The following PIK3R5 variants were observed in gnomAD, a reference collection of about 807,000 sequenced individuals.
PIK3R5 encodes phosphoinositide-3-kinase regulatory subunit 5, also known as phosphoinositide 3-kinase regulatory subunit 5.
A neutral mutation model predicts 94.9 loss-of-function variants in PIK3R5; 32 were observed. That is an observed-to-expected ratio of 0.34 (90% CI 0.25 to 0.45). The LOEUF (loss-of-function observed/expected upper bound fraction) is 0.45. Among genes scored for constraint, PIK3R5 ranks in the 20% least tolerant of loss-of-function variants. The pLI is 1.00. For missense variants in PIK3R5, 853 were observed against 1,144.6 expected (o/e 0.75, Z 3.68); for synonymous variants, 443 against 479.4 (o/e 0.92, Z 0.99).
intron 1 of PIK3R5, among the ~76,000 whole-genome samples, chr17:8,946,815 G>A (rs1305203467): frequency 6.6e-6 from 1 of 151,956 alleles, no homozygotes; most frequent in Non-Finnish European, 1.5e-5. Context: ...TGTCTGCCTG[G>A]CTCACTCCTT....
chr17:8,898,287 C>A (rs2090196841), intron 5 of PIK3R5, among the ~76,000 whole-genome samples: 1 of 152,222 alleles, frequency 6.6e-6, no homozygotes, highest in Non-Finnish European at 1.5e-5. Context: ...TGACCTAACC[C>A]AGGTTTGTTC....
chr17:8,965,287 G>C (rs1333731190), intron 1 of PIK3R5, among the ~76,000 whole-genome samples: 1 of 152,244 alleles, frequency 6.6e-6, no homozygotes. Flanking sequence ...AGGGCGTCCT[G>C]TGTCAGAGGC....
rs958921699 is a variant in PIK3R5, at chr17:8,890,468, AG to A, written c.657+269del. 1.2e-3 allele frequency among the ~76,000 whole-genome samples: 185 copies of A among 152,278 alleles called. No homozygotes were observed. Among genetic ancestry groups the A allele is most frequent in the African/African-American group, 4.2e-3 (174 of 41,552 alleles). On this transcript the variant is annotated intron_variant, in intron 7 of 18. Coordinates refer to ENST00000447110, the MANE Select transcript of PIK3R5 (RefSeq NM_001142633.3). The surrounding 1 kb of genome is among the most constrained non-coding windows in gnomAD (Gnocchi z 6.1). Reference sequence around the variant, plus strand: ...CCTAGATGCCAGGTCTTCAGCCCAAAGCTCATTCTCGTTCTTATGGCATATG... The same window carrying A: ...CCTAGATGCCAGGTCTTCAGCCCAAACTCATTCTCGTTCTTATGGCATATG...
Position 8,888,499 on chromosome 17 carries a change from T to G in PIK3R5, c.1288A>C (p.Ser430Arg), listed in dbSNP as rs755763622. 6.2e-7 allele frequency: 1 copy of G among 1,609,104 alleles called. No individual in the cohort carries two copies. The highest frequency in any genetic ancestry group is 1.3e-5 in the African/African-American group (1 of 75,004). The change falls in exon 10 of 19, where the codon AGC (serine) becomes CGC (arginine). Residue 430 changes from serine to arginine, a missense_variant. By Grantham distance (110) the Ser-to-Arg change is moderately radical. Transcript: ENST00000447110. This position sits in a 1 kb window ranked among gnomAD's most constrained non-coding sequence, Gnocchi z 7.8. ...CTCCGCAGTACCAGCTGGCTGGTGC[T>G]CTTGAAGAGTTTATAGATCCTGATG... The part of the protein sequence containing the change: ...KFIRIYKLFK[S>R]TSQLVLRRDS...
Position 8,925,077 on chromosome 17 carries a change from G to C in PIK3R5, c.-13-13570C>G, listed in dbSNP as rs1466629993. The stretch of plus-strand genomic sequence containing the variant: ...TAGATAGTAGATGGATAGATGGATA[G>C]ATAGATAGTGGATAGATAGAAAGTA... On this transcript the variant is annotated intron_variant, in intron 1 of 18. Transcript: ENST00000447110. This position sits in a 1 kb window ranked among gnomAD's most constrained non-coding sequence, Gnocchi z 5.1. Among the ~76,000 whole-genome samples, 1 of 152,030 alleles carries C rather than the reference G, an allele frequency of 6.6e-6. No homozygotes were observed. The highest frequency in any genetic ancestry group is 1.5e-5 in the Non-Finnish European group (1 of 67,998).
At chr17:8,891,589 AC>A (rs1225528048) in intron 6 of PIK3R5, among the ~76,000 whole-genome samples, 1 of 146,548 alleles carries the variant, frequency 6.8e-6, no homozygotes, top group African/African-American at 2.5e-5. Context: ...TTATTATGGA[AC>A]CTTTCTCTTT....
chr17:8,915,469 A>G (rs1360199686), intron 1 of PIK3R5, among the ~76,000 whole-genome samples: 1 of 151,266 alleles, frequency 6.6e-6, no homozygotes, highest in Non-Finnish European at 1.5e-5. Context: ...TGTGAGCCCC[A>G]CCACATCTAT....
rs961364117 is a variant in PIK3R5 at position 8,909,640 on chromosome 17, C to T, written c.104-466G>A. 3.9e-5 allele frequency among the ~76,000 whole-genome samples: 6 copies of T among 152,226 alleles called. No individual in the cohort carries two copies. The highest frequency in any genetic ancestry group is 1.4e-4 in the African/African-American group (6 of 41,458). On this transcript the variant is annotated intron_variant, in intron 2 of 18. Transcript: ENST00000447110. This position sits in a 1 kb window ranked among gnomAD's most constrained non-coding sequence, Gnocchi z 4.3. The stretch of plus-strand genomic sequence containing the variant: ...TCTAGGAGAAGATGCTGGATCAACA[C>T]TCAACCCTACCATGCCCCATCAAGA...
chr17:8,949,410 G>T (rs1368158712), intron 1 of PIK3R5, among the ~76,000 whole-genome samples: 1 of 152,186 alleles, frequency 6.6e-6, no homozygotes, highest in African/African-American at 2.4e-5. Context: ...GTTTAGGATT[G>T]CAGAAGAGAA....
Position 8,945,891 on chromosome 17 carries a change from G to A in PIK3R5, c.-14+19705C>T, listed in dbSNP as rs1037749242. Among the ~76,000 whole-genome samples, 2 of 152,200 alleles carry A rather than the reference G, an allele frequency of 1.3e-5. No homozygotes were observed. Among genetic ancestry groups the A allele is most frequent in the African/African-American group, 4.8e-5 (2 of 41,426 alleles). On this transcript the variant is annotated intron_variant, in intron 1 of 18. Coordinates refer to ENST00000447110, the MANE Select transcript of PIK3R5 (RefSeq NM_001142633.3). The surrounding 1 kb of genome is among the most constrained non-coding windows in gnomAD (Gnocchi z 4.0). The stretch of plus-strand genomic sequence containing the variant: ...GTTTGCCAGAAGGTTTGAACTTGGA[G>A]CTCTGAGCCATCAAGTGAGAAATTA...
chr17:8,952,840 G>T (rs1387845026), intron 1 of PIK3R5, among the ~76,000 whole-genome samples: 1 of 152,160 alleles, frequency 6.6e-6, no homozygotes, highest in Non-Finnish European at 1.5e-5. Flanking sequence ...GGAAAGGTAG[G>T]GGGAGGAGGG....
At position 8,893,701 on chromosome 17, in the gene PIK3R5, A is replaced by G. The variant is rs757315536; in HGVS notation, c.413-46T>C. 146 of 1,456,498 alleles carry G rather than the reference A, an allele frequency of 1.0e-4. No individual in the cohort carries two copies. Among genetic ancestry groups the G allele is most frequent in the Non-Finnish European group, 1.4e-4 (142 of 1,037,268 alleles). 90.2% of individuals were successfully genotyped at this position (1,456,498 alleles called of 1,614,324 possible). On this transcript the variant is annotated intron_variant, in intron 5 of 18. Coordinates refer to ENST00000447110, the MANE Select transcript of PIK3R5 (RefSeq NM_001142633.3). The surrounding 1 kb of genome is among the most constrained non-coding windows in gnomAD (Gnocchi z 5.1). Reference sequence around the variant, plus strand: ...AGTTCATGGGCTGATCAGTTCCTTCAGCATCGTCCGTGTGCCTCGTGGGGA... The same window carrying G: ...AGTTCATGGGCTGATCAGTTCCTTCGGCATCGTCCGTGTGCCTCGTGGGGA...
chr17:8,943,681 G>A (rs1363426835), intron 1 of PIK3R5, among the ~76,000 whole-genome samples: 1 of 152,148 alleles, frequency 6.6e-6, no homozygotes, highest in Non-Finnish European at 1.5e-5. Context: ...GCTGAGGCAG[G>A]AGAATCGCTG....
chr17:8,926,906 G>C (rs916835190), intron 1 of PIK3R5, among the ~76,000 whole-genome samples: 1 of 151,140 alleles, frequency 6.6e-6, no homozygotes, highest in African/African-American at 2.4e-5. Context: ...ATAGATAACA[G>C]AGGTTATATA....
At position 8,925,358 on chromosome 17, in the gene PIK3R5, TGATA is replaced by T. The variant is rs778232156; in HGVS notation, c.-13-13855_-13-13852del. On this transcript the variant is annotated intron_variant, in intron 1 of 18. Transcript: ENST00000447110. The surrounding 1 kb of genome is among the most constrained non-coding windows in gnomAD (Gnocchi z 5.1). ...ACAGTAGATTGATAGATAGATGGAT[TGATA>T]GATAGTAGATGGATAGATAGATAGA... Among the ~76,000 whole-genome samples, 53 of 140,418 alleles carry T rather than the reference TGATA, an allele frequency of 3.8e-4. No homozygotes were observed. The highest frequency in any genetic ancestry group is 1.4e-3 in the South Asian group (6 of 4,320). 92.1% of individuals were successfully genotyped at this position (140,418 alleles called of 152,430 possible). A position where few individuals can be genotyped will look rare whatever the true frequency, so the allele number is the denominator to read the frequency against.
intron 12 of PIK3R5, 94 bp from the exon 13 acceptor site, chr17:8,886,699 A>C: frequency 7.2e-7 from 1 of 1,383,082 alleles, no homozygotes; most frequent in Middle Eastern, 2.0e-4. Context: ...GAAGAGAGAC[A>C]TAGAGGCAGC....
At chr17:8,939,319 G>T (rs1020767369) in intron 1 of PIK3R5, among the ~76,000 whole-genome samples, 1 of 152,020 alleles carries the variant, frequency 6.6e-6, no homozygotes, top group Non-Finnish European at 1.5e-5. Context: ...TGCACCATGG[G>T]ACCATTCAGC....
chr17:8,934,464 T>C (rs2091038380), intron 1 of PIK3R5, among the ~76,000 whole-genome samples: 1 of 152,188 alleles, frequency 6.6e-6, no homozygotes, highest in Admixed American at 6.5e-5. Flanking sequence ...GAAGACTCAA[T>C]ATTGATATTA....
At chr17:8,944,407 T>C (rs559476553) in intron 1 of PIK3R5, among the ~76,000 whole-genome samples, 1 of 152,352 alleles carries the variant, frequency 6.6e-6, no homozygotes, top group South Asian at 2.1e-4. Context: ...TGTGTCTTCA[T>C]GCAGAATGAT....
Sources: gnomAD v4.1 joint callset for allele counts (sites outside exome capture counted in the v4.1 genomes callset) on GRCh38, gnomAD v4.1.1 for gene constraint, Gnocchi (gnomAD v3.1) non-coding constraint, MANE v1.5 for transcripts, NCBI Gene and HGNC (gene_info 2026-07-23, HGNC 2026-07-21) for gene names.